UGT1A7: variants seen among roughly 807,000 people sequenced by gnomAD.
The protein encoded by UGT1A7 is UDP glucuronosyltransferase family 1 member A7.
Under a neutral mutation model 45.6 loss-of-function variants are expected in UGT1A7, and 33 were observed. That is an observed-to-expected ratio of 0.72 (90% CI 0.55 to 0.97). UGT1A7 has a LOEUF of 0.97. UGT1A7 is among the 50% of genes least tolerant of loss of function. The pLI, the probability that UGT1A7 is intolerant of heterozygous loss-of-function variation, is 0.00. For missense variants in UGT1A7, 684 were observed against 666.2 expected (o/e 1.03, Z -0.29); for synonymous variants, 274 against 250.6 (o/e 1.09, Z -0.88).
intron 1 of UGT1A7, chr2:233,729,464 G>T: frequency 6.2e-7 from 1 of 1,614,158 alleles, no homozygotes; most frequent in Non-Finnish European, 8.5e-7. Context: ...TTTTTCAGAA[G>T]TATGGCAATG....
At position 233,769,746 on chromosome 2, in the gene UGT1A7, T is replaced by A; in HGVS notation, c.1295+1307T>A. On this transcript the variant is annotated intron_variant, in intron 4 of 4. Transcript: ENST00000373426. This position sits in a 1 kb window ranked among gnomAD's most constrained non-coding sequence, Gnocchi z 4.4. ...GGCACACGCCTGTAGTCCCAGCCAC[T>A]CTGGAGGCTAAGGCGGGAGGATTGC... 3 of 1,441,832 alleles carry A rather than the reference T, an allele frequency of 2.1e-6. No individual in the cohort carries two copies. Among genetic ancestry groups the A allele is most frequent in the Non-Finnish European group, 2.7e-6 (3 of 1,095,648 alleles). The allele number at this position is 1,441,832 out of a possible 1,614,324, so 89.3% of individuals were successfully genotyped here. A position where few individuals can be genotyped will look rare whatever the true frequency, so the allele number is the denominator to read the frequency against.
intron 1 of UGT1A7, among the ~76,000 whole-genome samples, chr2:233,725,885 A>G (rs2077481467): frequency 6.6e-6 from 1 of 152,174 alleles, no homozygotes; most frequent in Admixed American, 6.5e-5. Flanking sequence ...AATGATTTGT[A>G]GGCAGGTGGG....
chr2:233,769,545 C>T lies in UGT1A7; in HGVS notation c.1295+1106C>T. ...ACCTCCTTTAGAAAGAAGCAGCAGT[C>T]AGGAAGACAGATGTGAAGAGCTGGA... is the stretch of plus-strand genomic sequence containing the variant. On this transcript the variant is annotated intron_variant, in intron 4 of 4. Transcript: ENST00000373426. This position sits in a 1 kb window ranked among gnomAD's most constrained non-coding sequence, Gnocchi z 4.4. 6.2e-7 allele frequency: 1 copy of T among 1,612,746 alleles called. No homozygotes were observed. Among genetic ancestry groups the T allele is most frequent in the Non-Finnish European group, 8.5e-7 (1 of 1,179,828 alleles).
chr2:233,727,755 T>C (rs79983684), intron 1 of UGT1A7, among the ~76,000 whole-genome samples: 5,633 of 152,308 alleles, frequency 0.037, 134 homozygotes, highest in Non-Finnish European at 0.057. Context: ...TGTGCTGCCC[T>C]TGAGCTGGGT....
Position 233,772,610 on chromosome 2 carries a change from C to A in UGT1A7, c.*51C>A. 6.3e-7 allele frequency: 1 copy of A among 1,580,500 alleles called. No individual in the cohort carries two copies. Among genetic ancestry groups the A allele is most frequent in the South Asian group, 1.1e-5 (1 of 87,222 alleles). On this transcript the variant is annotated 3_prime_UTR_variant, in exon 5 of 5. Transcript: ENST00000373426. ...TTTTGAACCATTCCCTAGTCATTTC[C>A]AAACTTGAAAACAGAATCAGTGTTA...
At chr2:233,758,087 A>T (rs1470307117) in intron 1 of UGT1A7, among the ~76,000 whole-genome samples, 1 of 152,172 alleles carries the variant, frequency 6.6e-6, no homozygotes, top group Non-Finnish European at 1.5e-5. Context: ...TTCCTAGCAT[A>T]GTGACTGCCA....
chr2:233,693,032 A>G (rs535145874), intron 1 of UGT1A7: 2 of 1,614,132 alleles, frequency 1.2e-6, no homozygotes, highest in Admixed American at 1.7e-5. Flanking sequence ...CTCATTTCAG[A>G]GAATTTCTGC....
chr2:233,757,537 T>TAA (rs1696591664), intron 1 of UGT1A7, among the ~76,000 whole-genome samples: 3 of 107,778 alleles, frequency 2.8e-5, no homozygotes, highest in African/African-American at 1.4e-4. Context: ...CTGTAAGGAA[T>TAA]ATATATATAT....
intron 1 of UGT1A7, among the ~76,000 whole-genome samples, chr2:233,698,410 C>T (rs1360939662): frequency 2.6e-5 from 4 of 151,926 alleles, no homozygotes; most frequent in South Asian, 4.2e-4. Context: ...GTGACTTCAT[C>T]GCAATAAATT....
intron 1 of UGT1A7, among the ~76,000 whole-genome samples, chr2:233,708,160 C>T (rs999890937): frequency 3.3e-5 from 5 of 152,062 alleles, no homozygotes; most frequent in African/African-American, 7.2e-5. Flanking sequence ...GGGGAGTTGC[C>T]GGAAAATGGA....
At chr2:233,729,642 T>A in intron 1 of UGT1A7, 2 of 1,613,942 alleles carry the variant, frequency 1.2e-6, no homozygotes, top group Non-Finnish European at 1.7e-6. Context: ...CTGTGTTTTT[T>A]TTGAGGAACA....
chr2:233,693,316 C>A, intron 1 of UGT1A7: 1 of 1,614,156 alleles, frequency 6.2e-7, no homozygotes, highest in Admixed American at 1.7e-5. Context: ...AGCGATCATT[C>A]CTAACTGCTC....
Position 233,772,333 on chromosome 2 carries a change from T to C in UGT1A7, c.1367T>C (p.Val456Ala). The part of the protein sequence containing the change: ...DRPVEPLDLA[V>A]FWVEFVMRHK... Reference sequence around the variant, plus strand: ...CCGGTGGAGCCGCTGGACCTGGCCGTGTTCTGGGTGGAGTTTGTGATGAGG... The same window carrying C: ...CCGGTGGAGCCGCTGGACCTGGCCGCGTTCTGGGTGGAGTTTGTGATGAGG... The change falls in exon 5 of 5, where the codon GTG becomes GCG. Residue 456 changes from valine (V) to alanine (A), a missense_variant. Physicochemically the swap from Val to Ala is moderately conservative, Grantham distance 64 (BLOSUM62 0). Coordinates refer to ENST00000373426, the MANE Select transcript of UGT1A7 (RefSeq NM_019077.3). 6.2e-7 allele frequency: 1 copy of C among 1,614,126 alleles called. No individual in the cohort carries two copies. Among genetic ancestry groups the C allele is most frequent in the Non-Finnish European group, 8.5e-7 (1 of 1,180,008 alleles).
At chr2:233,699,728 C>T (rs1338916354) in intron 1 of UGT1A7, among the ~76,000 whole-genome samples, 1 of 152,204 alleles carries the variant, frequency 6.6e-6, no homozygotes, top group Non-Finnish European at 1.5e-5. Context: ...TTTTACGGAG[C>T]GTTTTCCCAG....
chr2:233,742,539 ATGGCCAGTTTAGGGGCCAGCTTC>A (rs1692013291), intron 1 of UGT1A7, among the ~76,000 whole-genome samples: 1 of 151,860 alleles, frequency 6.6e-6, no homozygotes, highest in African/African-American at 2.4e-5. Flanking sequence ...GATTTTGTTT[ATGGCCAGTTTAGGGGCCAGCTTC>A]TGGCCGGAAT....
At chr2:233,716,310 C>G (rs1253519294) in intron 1 of UGT1A7, among the ~76,000 whole-genome samples, 4 of 152,212 alleles carry the variant, frequency 2.6e-5, no homozygotes, top group African/African-American at 9.7e-5. Flanking sequence ...TCTCTTCCAC[C>G]TGTAATGGAA....
Position 233,772,033 on chromosome 2 carries a change from A to C in UGT1A7, c.1296-229A>C, listed in dbSNP as rs33979061. Among the ~76,000 whole-genome samples, 33,182 of 152,170 alleles carry C rather than the reference A, an allele frequency of 0.22. 4,506 individuals carry two copies. Among genetic ancestry groups the C allele is most frequent in the South Asian group, 0.32 (1,549 of 4,822 alleles). On this transcript the variant is annotated intron_variant, in intron 4 of 4. Coordinates refer to ENST00000373426, the MANE Select transcript of UGT1A7 (RefSeq NM_019077.3). ...GAGGCTGAGGCAGGAGGATGGCTTG[A>C]GCCCAGGAGTTGGAGGCTGCAGTTA...
At chr2:233,746,785 G>A (rs999624443) in intron 1 of UGT1A7, among the ~76,000 whole-genome samples, 5 of 151,822 alleles carry the variant, frequency 3.3e-5, no homozygotes, top group Non-Finnish European at 2.9e-5. Flanking sequence ...GTTTTCTGTT[G>A]TAATTCATGA....
rs28898574 is a variant in UGT1A7, at chr2:233,691,266, G to A, written c.855+8474G>A. 127 of 985,476 alleles carry A rather than the reference G, an allele frequency of 1.3e-4. No individual in the cohort carries two copies. The East Asian group carries it at 0.01, about 80-fold the overall frequency. The allele number at this position is 985,476 out of a possible 1,614,324, so 61.0% of individuals were successfully genotyped here. On this transcript the variant is annotated intron_variant, in intron 1 of 4. Transcript: ENST00000373426. ...GATGAACTCAAAGCAAGATGCTGCC[G>A]CCCCCATGACTTTGATCATTGTAAG...
Sources: allele counts gnomAD v4.1 joint callset (sites outside exome capture counted in the v4.1 genomes callset), GRCh38; gene constraint gnomAD v4.1.1; non-coding constraint Gnocchi (gnomAD v3.1); transcripts MANE v1.5; gene names NCBI Gene and HGNC (gene_info 2026-07-23, HGNC 2026-07-21).